Variants in BDH2 observed in about 807,000 individuals in gnomAD.
BDH2 encodes the protein dehydrogenase/reductase SDR family member 6.
A neutral mutation model predicts 33.2 loss-of-function variants in BDH2; 24 were observed. The ratio of observed to expected loss-of-function variants is 0.72; its 90% CI spans 0.52 to 1.02. BDH2 has a LOEUF of 1.02. BDH2 is among the 50% of genes least tolerant of loss of function. BDH2 has a pLI of 0.00. For missense variants in BDH2, 249 were observed against 301.6 expected (o/e 0.83, Z 1.29); for synonymous variants, 81 against 101.6 (o/e 0.80, Z 1.22).
chr4:103,090,485 G>A (rs905013379), intron 5 of BDH2, among the ~76,000 whole-genome samples: 17 of 152,262 alleles, frequency 1.1e-4, no homozygotes, highest in African/African-American at 4.1e-4. Flanking sequence ...AAAGCAATGG[G>A]GTACATCCCT....
At chr4:103,086,646 A>G in intron 5 of BDH2, 106 bp from the exon 6 acceptor site, 1 of 1,367,860 alleles carries the variant, frequency 7.3e-7, no homozygotes, top group South Asian at 1.4e-5. Flanking sequence ...AATGAATTTA[A>G]TTACTGTATT....
chr4:103,088,055 A>C (rs1459968074), intron 5 of BDH2, among the ~76,000 whole-genome samples: 2 of 152,228 alleles, frequency 1.3e-5, no homozygotes, highest in East Asian at 3.9e-4. Context: ...GAATGGAGTA[A>C]GTGGATACAA....
Position 103,085,338 on chromosome 4 carries a change from G to A in BDH2, c.532+11C>T. On this transcript the variant is annotated intron_variant, in intron 7 of 9. Transcript: ENST00000296424. ...AAAACTTTGCTTACAAAACAGGTGT[G>A]CCTTACTCACCTGGGCACACACAGT... The A allele has an allele frequency of 6.3e-7, 1 of 1,599,200 alleles. No individual in the cohort carries two copies. The highest frequency in any genetic ancestry group is 8.5e-7 in the Non-Finnish European group (1 of 1,171,254).
intron 1 of BDH2, chr4:103,099,157 T>C (rs1578514015): frequency 1.3e-5 from 2 of 152,288 alleles, no homozygotes; most frequent in African/African-American, 2.4e-5. Context: ...ATTAGTGATA[T>C]TGGGTGTATG....
At chr4:103,095,133 C>T (rs1578510411) in intron 3 of BDH2, 70 bp downstream of exon 3, 2 of 1,252,498 alleles carry the variant, frequency 1.6e-6, no homozygotes, top group East Asian at 2.4e-5. Context: ...TTTCTTTCAA[C>T]ATGTGAGCGC....
chr4:103,083,435 T>A (rs1440125766), intron 7 of BDH2, among the ~76,000 whole-genome samples: 2 of 152,230 alleles, frequency 1.3e-5, no homozygotes, highest in Non-Finnish European at 2.9e-5. Flanking sequence ...CAGGTGGCGC[T>A]AAATTTTTCT....
At chr4:103,082,239 T>A in intron 8 of BDH2, 66 bp from the exon 9 acceptor site, 4 of 1,386,226 alleles carry the variant, frequency 2.9e-6, no homozygotes, top group Non-Finnish European at 4.1e-6. Flanking sequence ...CTGCATCTTG[T>A]TCAAGGAGTT....
chr4:103,092,470 T>A lies in BDH2; in HGVS notation c.248+130A>T, dbSNP rs1448667382. ...TGTGTAATGAAAATGCTGTGTAAAATCTAGCCATATTTCCCAAGGAATATG... is the reference window on the plus strand; with the variant it reads ...TGTGTAATGAAAATGCTGTGTAAAAACTAGCCATATTTCCCAAGGAATATG... On this transcript the variant is annotated intron_variant, in intron 4 of 9. Coordinates refer to ENST00000296424, the MANE Select transcript of BDH2 (RefSeq NM_020139.4). 1.6e-5 allele frequency: 11 copies of A among 667,008 alleles called. No homozygotes were observed. In the East Asian group the frequency reaches 3.0e-4, roughly 18 times the overall value. The allele number at this position is 667,008 out of a possible 1,614,324, so 41.3% of individuals were successfully genotyped here. A position where few individuals can be genotyped will look rare whatever the true frequency, so the allele number is the denominator to read the frequency against.
chr4:103,099,483 T>A (rs1748550498), intron 1 of BDH2: 1 of 152,192 alleles, frequency 6.6e-6, no homozygotes, highest in African/African-American at 2.4e-5. Context: ...AAAGTTAGAA[T>A]CAAAATGTTG....
intron 8 of BDH2, 92 bp from the exon 9 acceptor site, chr4:103,082,265 C>A: frequency 9.4e-7 from 1 of 1,064,278 alleles, no homozygotes; most frequent in Non-Finnish European, 1.4e-6. Context: ...CAAGAGAATC[C>A]ACTGGCTTGC....
intron 8 of BDH2, among the ~76,000 whole-genome samples, chr4:103,082,534 C>G (rs1747574400): frequency 6.6e-6 from 1 of 152,084 alleles, no homozygotes; most frequent in Non-Finnish European, 1.5e-5. Flanking sequence ...CACTGTCCAT[C>G]TCCAGAACTC....
At chr4:103,092,790 A>G (rs1194722323) in intron 3 of BDH2, 94 bp from the exon 4 acceptor site, 1 of 866,040 alleles carries the variant, frequency 1.2e-6, no homozygotes, top group Non-Finnish European at 1.9e-6. Flanking sequence ...TGCAACATCT[A>G]TCCAGCTAGG....
chr4:103,091,110 C>A, intron 5 of BDH2, 67 bp downstream of exon 5: 1 of 921,480 alleles, frequency 1.1e-6, no homozygotes, highest in Non-Finnish European at 1.7e-6. Flanking sequence ...TGTGGGAATC[C>A]CTTCTGTGTG....
chr4:103,086,591 A>C (rs562408341), intron 5 of BDH2, 51 bp from the exon 6 acceptor site: 6 of 1,550,080 alleles, frequency 3.9e-6, no homozygotes, highest in African/African-American at 1.4e-5. Flanking sequence ...TTGTGGGCTA[A>C]AATACTACCT....
chr4:103,094,977 G>C (rs1415638485), intron 3 of BDH2, among the ~76,000 whole-genome samples: 1 of 152,120 alleles, frequency 6.6e-6, no homozygotes, highest in African/African-American at 2.4e-5. Context: ...AAATGTGTTA[G>C]CTAAATAAAG....
intron 5 of BDH2, among the ~76,000 whole-genome samples, chr4:103,090,278 AC>A (rs1748017039): frequency 6.6e-6 from 1 of 152,180 alleles, no homozygotes; most frequent in Admixed American, 6.5e-5. Context: ...CTCCCCTAGA[AC>A]ACTTTATATA....
rs70941651 is a variant in BDH2 at position 103,096,531 on chromosome 4, A to ATTTTTTTTT, written c.-20-266_-20-258dup. Among the ~76,000 whole-genome samples, 2 of 114,240 alleles carry ATTTTTTTTT rather than the reference A, an allele frequency of 1.8e-5. 1 individual carries two copies. The allele number at this position is 114,240 out of a possible 152,430, so 74.9% of individuals were successfully genotyped here. A position where few individuals can be genotyped will look rare whatever the true frequency, so the allele number is the denominator to read the frequency against. On this transcript the variant is annotated intron_variant, in intron 1 of 9. Coordinates refer to ENST00000296424, the MANE Select transcript of BDH2 (RefSeq NM_020139.4). ...TAATGACTGGTGACAGACATTGGCCATTTTTTTTTTTTTTTTTTTTTTTTA... is the reference window on the plus strand; with the variant it reads ...TAATGACTGGTGACAGACATTGGCCATTTTTTTTTTTTTTTTTTTTTTTTTTTTTTTTTA...
At chr4:103,091,456 CAACTT>C (rs1030466462) in intron 4 of BDH2, among the ~76,000 whole-genome samples, 171 bp from the exon 5 acceptor site, 1 of 152,114 alleles carries the variant, frequency 6.6e-6, no homozygotes, top group African/African-American at 2.4e-5. Context: ...AGAATCCCAA[CAACTT>C]AAGCTAGAAA....
At chr4:103,089,730 C>T (rs774325623) in intron 5 of BDH2, among the ~76,000 whole-genome samples, 1 of 152,314 alleles carries the variant, frequency 6.6e-6, no homozygotes, top group South Asian at 2.1e-4. Flanking sequence ...ACCACAGTCT[C>T]TGCTCTACCC....
Sources: gnomAD v4.1 joint callset for allele counts (sites outside exome capture counted in the v4.1 genomes callset) on GRCh38, gnomAD v4.1.1 for gene constraint, MANE v1.5 for transcripts, NCBI Gene and HGNC (gene_info 2026-07-23, HGNC 2026-07-21) for gene names.